POM121: variants seen among roughly 807,000 people sequenced by gnomAD.
The protein encoded by POM121 is nuclear envelope pore membrane protein POM 121.
In POM121, 32 loss-of-function variants were observed where a neutral mutation model predicts 81.3. The ratio of observed to expected loss-of-function variants is 0.39; its 90% CI spans 0.30 to 0.53. The LOEUF is 0.53. Ranked by LOEUF, POM121 falls within the 20% of genes least tolerant of loss-of-function variation. POM121 has a pLI of 0.66. For synonymous variants in POM121, 514 were observed against 694.2 expected, an observed-to-expected ratio of 0.74 and a Z score of 4.08; for missense variants, 1,138 against 1,614.6, an observed-to-expected ratio of 0.70 and a Z score of 5.06.
chr7:72,896,104 T>A (rs1554491694), intron 3 of POM121, among the ~76,000 whole-genome samples: 1 of 151,700 alleles, frequency 6.6e-6, no homozygotes. Context: ...GGATTTCTGG[T>A]TTTCTAGCCC....
intron 3 of POM121, among the ~76,000 whole-genome samples, chr7:72,928,104 G>C (rs1225862452): frequency 6.6e-6 from 1 of 152,174 alleles, no homozygotes; most frequent in Non-Finnish European, 1.5e-5. Flanking sequence ...TACTCTGGAG[G>C]CTGAGGCAGG....
intron 3 of POM121, among the ~76,000 whole-genome samples, chr7:72,893,932 G>A (rs1195445861): frequency 6.6e-6 from 1 of 152,046 alleles, no homozygotes; most frequent in Non-Finnish European, 1.5e-5. Context: ...TTCTGTTTCT[G>A]TTCTGTGCTG....
chr7:72,943,079 T>G lies in POM121; in HGVS notation c.3086T>G (p.Ile1029Ser), dbSNP rs141431659. ...PAYVPTPIHPIFGGATHSAFG... is the reference protein window; with the variant it reads ...PAYVPTPIHPSFGGATHSAFG... ...TACGTGCCTACGCCCATCCATCCTA[T>G]CTTTGGCGGTGCCACGCACTCGGCG... is the stretch of plus-strand genomic sequence containing the variant. Residue 1029 changes from isoleucine (I) to serine (S), a missense_variant, in exon 11 of 13, where the codon ATC (isoleucine) becomes AGC (serine). By Grantham distance (142) the Ile-to-Ser change is moderately radical. Transcript: ENST00000434423. 5.6e-6 allele frequency: 9 copies of G among 1,613,520 alleles called. No homozygotes were observed.
chr7:72,936,387 C>T (rs1554499492), intron 5 of POM121, among the ~76,000 whole-genome samples: 1 of 151,608 alleles, frequency 6.6e-6, no homozygotes, highest in African/African-American at 2.4e-5. Context: ...CAGCCATTCT[C>T]CTGCCTCAGA....
At chr7:72,916,087 T>A (rs1794271992) in intron 4 of POM121, among the ~76,000 whole-genome samples, 2 of 152,206 alleles carry the variant, frequency 1.3e-5, no homozygotes. Flanking sequence ...GTCAGATGGG[T>A]AGGTTGCAAA....
intron 5 of POM121, among the ~76,000 whole-genome samples, chr7:72,935,961 T>A (rs1260169497): frequency 3.3e-5 from 5 of 151,718 alleles, no homozygotes; most frequent in Non-Finnish European, 7.4e-5. Context: ...AATGAGTTTT[T>A]CCTTTCCTCT....
Position 72,928,411 on chromosome 7 carries a change from A to C in POM121, c.1049A>C (p.His350Pro). The change falls in exon 4 of 13, where the codon CAT (histidine) becomes CCT (proline). Residue 350 changes from histidine to proline, a missense_variant. Around this residue, in one of 7 missense-constraint regions of POM121, gnomAD observed 646 missense variants for 633.5 expected, o/e 1.02. Coordinates refer to ENST00000434423, the MANE Select transcript of POM121 (RefSeq NM_001387691.1). ...CGCCATGATAGCAGTGGCAGTGGACATTCAGCATTTGAGCCCCTGGTGGCC... is the reference window on the plus strand; with the variant it reads ...CGCCATGATAGCAGTGGCAGTGGACCTTCAGCATTTGAGCCCCTGGTGGCC... ...RRRHDSSGSGHSAFEPLVANG... is the reference protein window; with the variant it reads ...RRRHDSSGSGPSAFEPLVANG... 6.2e-7 allele frequency: 1 copy of C among 1,614,258 alleles called. No individual in the cohort carries two copies. Among genetic ancestry groups the C allele is most frequent in the Non-Finnish European group, 8.5e-7 (1 of 1,180,034 alleles).
downstream of POM121, chr7:72,949,441 G>A (rs782225042): frequency 1.2e-5 from 19 of 1,577,038 alleles, no homozygotes; most frequent in East Asian, 9.0e-5. Flanking sequence ...GGCCAGCAGC[G>A]TGGCCATGGA....
chr7:72,926,689 A>T, intron 2 of POM121, 113 bp from the exon 3 acceptor site: 1 of 1,508,032 alleles, frequency 6.6e-7, no homozygotes, highest in Non-Finnish European at 9.0e-7. Flanking sequence ...CTGTGAGTGT[A>T]TAAATTATAC....
intron 3 of POM121, among the ~76,000 whole-genome samples, chr7:72,897,758 G>A (rs35135928): frequency 6.6e-6 from 1 of 152,004 alleles, no homozygotes; most frequent in Non-Finnish European, 1.5e-5. Flanking sequence ...TGGTGGCTCA[G>A]GCCTGTAATT....
intron 10 of POM121, 89 bp from the exon 11 acceptor site, chr7:72,941,748 G>C (rs1442185375): frequency 6.7e-7 from 1 of 1,495,858 alleles, no homozygotes; most frequent in South Asian, 1.3e-5. Context: ...CCCAGGCTCT[G>C]TGGTAGGCGT....
chr7:72,904,823 T>C (rs1793077528), intron 3 of POM121, among the ~76,000 whole-genome samples: 1 of 152,118 alleles, frequency 6.6e-6, no homozygotes. Context: ...CTTACAATCA[T>C]GGTGGAAAGC....
At chr7:72,879,482 C>T (rs1420741780) in exon 1 of POM121, 10 of 227,366 alleles carry the variant, frequency 4.4e-5, no homozygotes, top group African/African-American at 4.8e-5. Context: ...AGCACCTAGG[C>T]GGGCGGGAGC....
At position 72,936,479 on chromosome 7, in the gene POM121, A is replaced by G. The variant is rs1796518997; in HGVS notation, c.1276-2111A>G. On this transcript the variant is annotated intron_variant, in intron 5 of 12. Coordinates refer to ENST00000434423, the MANE Select transcript of POM121 (RefSeq NM_001387691.1). The stretch of plus-strand genomic sequence containing the variant: ...TTTTTAGTAGAGACGGGGTTTCACC[A>G]TGTTAGCCAGGATGGTCTCAATCTC... 1.3e-5 allele frequency among the ~76,000 whole-genome samples: 2 copies of G among 149,634 alleles called. 1 individual carries two copies. Among genetic ancestry groups the G allele is most frequent in the Non-Finnish European group, 3.0e-5 (2 of 67,742 alleles).
chr7:72,882,939 A>G (rs1790307880), intron 1 of POM121, among the ~76,000 whole-genome samples: 1 of 152,056 alleles, frequency 6.6e-6, no homozygotes, highest in Non-Finnish European at 1.5e-5. Flanking sequence ...TTACTTCCAA[A>G]CTGATATTTT....
Position 72,947,501 on chromosome 7 carries a change from C to CCAGG in POM121, c.*1269_*1272dup, listed in dbSNP as rs1797770561. On this transcript the variant is annotated 3_prime_UTR_variant, in exon 13 of 13. Transcript: ENST00000434423. ...TTCCGTCCTTCTGAAACCACATACC[C>CCAGG]CAGGCCCAAGCGCCTTGCTGCCACG... is the stretch of plus-strand genomic sequence containing the variant. 1.0e-6 allele frequency: 1 copy of CCAGG among 961,588 alleles called. No homozygotes were observed. The highest frequency in any genetic ancestry group is 4.8e-5 in the South Asian group (1 of 20,964). 59.6% of individuals were successfully genotyped at this position (961,588 alleles called of 1,614,324 possible).
intron 4 of POM121, among the ~76,000 whole-genome samples, chr7:72,918,892 G>A (rs1474552050): frequency 6.6e-6 from 1 of 152,080 alleles, no homozygotes. Context: ...CCACCTTCCG[G>A]GTTCAAGCGA....
chr7:72,879,685 G>C (rs1789935350), exon 1 of POM121: 1 of 429,154 alleles, frequency 2.3e-6, no homozygotes, highest in African/African-American at 2.0e-5. Flanking sequence ...TGTACGGTGA[G>C]CCCCAGGGAG....
At position 72,938,805 on chromosome 7, in the gene POM121, G is replaced by A. The variant is rs1469614971; in HGVS notation, c.1367+124G>A. ...GACTTGGAGAATCAAAGAAACTTAAGTCCCTGAGAGGTACAATGCAGTACC... is the reference window on the plus strand; with the variant it reads ...GACTTGGAGAATCAAAGAAACTTAAATCCCTGAGAGGTACAATGCAGTACC... On this transcript the variant is annotated intron_variant, in intron 6 of 12. Coordinates refer to ENST00000434423, the MANE Select transcript of POM121 (RefSeq NM_001387691.1). The A allele has an allele frequency of 1.4e-5, 16 of 1,170,390 alleles. No homozygotes were observed. The South Asian group carries it at 1.9e-4, about 14-fold the overall frequency. The allele number at this position is 1,170,390 out of a possible 1,614,324, so 72.5% of individuals were successfully genotyped here.
Sources: gnomAD v4.1 joint callset for allele counts (sites outside exome capture counted in the v4.1 genomes callset) on GRCh38, gnomAD v4.1.1 for gene constraint, gnomAD v4.1.1 regional missense constraint, MANE v1.5 for transcripts, NCBI Gene and HGNC (gene_info 2026-07-23, HGNC 2026-07-21) for gene names.